ARHGAP24: variants seen among roughly 807,000 people sequenced by gnomAD.
ARHGAP24 encodes the protein Rho GTPase activating protein 24, also known as rho GTPase-activating protein 24.
A neutral mutation model predicts 76.4 loss-of-function variants in ARHGAP24; 50 were observed. That is an observed-to-expected ratio of 0.65 (90% confidence interval 0.52 to 0.83). The LOEUF (loss-of-function observed/expected upper bound fraction) is 0.83, where lower values mean the gene tolerates loss of function less well. ARHGAP24 is among the 40% of genes least tolerant of loss of function. The pLI, the probability that ARHGAP24 is intolerant of heterozygous loss-of-function variation, is 0.00. For missense variants in ARHGAP24, 930 were observed against 914.2 expected (o/e 1.02, Z -0.22); for synonymous variants, 345 against 323.3 (o/e 1.07, Z -0.72).
chr4:85,851,604 G>T (rs1037969379), intron 3 of ARHGAP24, among the ~76,000 whole-genome samples: 1 of 152,162 alleles, frequency 6.6e-6, no homozygotes, highest in African/African-American at 2.4e-5. Flanking sequence ...TCCTTTCCAT[G>T]TTTAATGCTT....
intron 1 of ARHGAP24, among the ~76,000 whole-genome samples, chr4:85,487,886 TAATAA>T (rs1350661859): frequency 2.4e-5 from 3 of 127,276 alleles, no homozygotes; most frequent in Non-Finnish European, 4.7e-5. Flanking sequence ...ATAATATATA[TAATAA>T]ATATATTTTA....
chr4:85,578,048 A>G (rs1011194048), intron 2 of ARHGAP24, among the ~76,000 whole-genome samples: 13 of 152,120 alleles, frequency 8.5e-5, no homozygotes, highest in African/African-American at 3.1e-4. Flanking sequence ...TTATATGCCC[A>G]TTTTTCTTGG....
intron 2 of ARHGAP24, among the ~76,000 whole-genome samples, chr4:85,615,341 T>A (rs568339404): frequency 1.2e-4 from 18 of 152,254 alleles, no homozygotes; most frequent in African/African-American, 4.3e-4. Flanking sequence ...ATGTCTTAGT[T>A]TAAACCCCTC....
At chr4:85,643,740 A>G (rs1484451224) in intron 2 of ARHGAP24, among the ~76,000 whole-genome samples, 2 of 152,172 alleles carry the variant, frequency 1.3e-5, no homozygotes, top group Non-Finnish European at 2.9e-5. Context: ...TTATTCCCCA[A>G]AAGAGTATCT....
chr4:85,479,369 T>C (rs993965532), intron 1 of ARHGAP24, among the ~76,000 whole-genome samples: 2 of 152,220 alleles, frequency 1.3e-5, no homozygotes, highest in South Asian at 2.1e-4. Flanking sequence ...ATAATAGATA[T>C]ACATTTTCCA....
At chr4:85,927,198 A>G (rs1333289649) in intron 4 of ARHGAP24, among the ~76,000 whole-genome samples, 2 of 152,196 alleles carry the variant, frequency 1.3e-5, no homozygotes, top group Non-Finnish European at 2.9e-5. Flanking sequence ...CCACGAATGA[A>G]GCTTGAAAAC....
intron 3 of ARHGAP24, among the ~76,000 whole-genome samples, chr4:85,840,018 T>C (rs1276330015): frequency 2.0e-4 from 2 of 10,026 alleles, no homozygotes; most frequent in Admixed American, 2.6e-3. Context: ...CCTGGCTAAC[T>C]TTTTTTTTTT....
chr4:85,697,521 T>G (rs1211642712), intron 2 of ARHGAP24, among the ~76,000 whole-genome samples: 1 of 152,218 alleles, frequency 6.6e-6, no homozygotes, highest in Non-Finnish European at 1.5e-5. Flanking sequence ...AAAAAATATG[T>G]CTGCATAAAA....
chr4:85,652,764 A>G (rs1372210000), intron 2 of ARHGAP24, among the ~76,000 whole-genome samples: 1 of 152,130 alleles, frequency 6.6e-6, no homozygotes, highest in Non-Finnish European at 1.5e-5. Context: ...TTGGGGTGGT[A>G]TGTGGTGTGC....
In ARHGAP24 at chr4:85,588,594, A is replaced by G. The variant is rs1041918486; in HGVS notation, c.180+17873A>G. Among the ~76,000 whole-genome samples, 3 of 152,222 alleles carry G rather than the reference A, an allele frequency of 2.0e-5. No individual in the cohort carries two copies. In the East Asian group the frequency reaches 5.8e-4, roughly 29 times the overall value. ...GTATGCACTCAATTAATGTCTATGG[A>G]CTGAAGAAGTACCATAAATTCATTT... On this transcript the variant is annotated intron_variant, in intron 2 of 9. Coordinates refer to ENST00000395184, the MANE Select transcript of ARHGAP24 (RefSeq NM_001025616.3).
chr4:85,806,854 C>T (rs1728813594), intron 3 of ARHGAP24, among the ~76,000 whole-genome samples: 3 of 151,990 alleles, frequency 2.0e-5, no homozygotes, highest in Admixed American at 2.0e-4. Flanking sequence ...TGGCTTTTTC[C>T]CAATTTTATT....
chr4:85,619,161 ATAAT>A (rs1036366149), intron 2 of ARHGAP24, among the ~76,000 whole-genome samples: 4 of 152,008 alleles, frequency 2.6e-5, no homozygotes, highest in Admixed American at 2.6e-4. Context: ...AGATGCGAGT[ATAAT>A]TAAATTCCTC....
intron 1 of ARHGAP24, among the ~76,000 whole-genome samples, chr4:85,542,671 T>C (rs1333242118): frequency 2.0e-5 from 3 of 151,422 alleles, no homozygotes; most frequent in African/African-American, 7.4e-5. Context: ...AATAAAGACA[T>C]TAAAGAGATA....
At chr4:85,684,689 G>T (rs1238836260) in intron 2 of ARHGAP24, among the ~76,000 whole-genome samples, 1 of 152,172 alleles carries the variant, frequency 6.6e-6, no homozygotes, top group Non-Finnish European at 1.5e-5. Flanking sequence ...TCAGAGAGAG[G>T]CTGTTCTGTA....
intron 2 of ARHGAP24, among the ~76,000 whole-genome samples, chr4:85,702,978 G>T (rs577582522): frequency 1.3e-5 from 2 of 151,850 alleles, no homozygotes; most frequent in African/African-American, 2.4e-5. Flanking sequence ...TCAGAAGTGA[G>T]ACCCCCACCG....
chr4:85,904,169 G>A (rs1454230202), intron 3 of ARHGAP24, among the ~76,000 whole-genome samples: 2 of 152,068 alleles, frequency 1.3e-5, no homozygotes, highest in East Asian at 3.9e-4. Context: ...AGGTTTAATT[G>A]GCTCATGGTC....
intron 3 of ARHGAP24, among the ~76,000 whole-genome samples, chr4:85,901,717 G>A (rs1359464622): frequency 1.3e-5 from 2 of 152,168 alleles, no homozygotes; most frequent in Middle Eastern, 3.4e-3. Flanking sequence ...CAACCAAGGG[G>A]TAATTTATTT....
At chr4:85,950,748 T>G (rs1737567630) in intron 5 of ARHGAP24, among the ~76,000 whole-genome samples, 1 of 151,938 alleles carries the variant, frequency 6.6e-6, no homozygotes. Flanking sequence ...CTTGGCTCAC[T>G]GCAACCTCTG....
intron 5 of ARHGAP24, among the ~76,000 whole-genome samples, chr4:85,958,280 A>G (rs1738041675): frequency 6.6e-6 from 1 of 152,182 alleles, no homozygotes; most frequent in African/African-American, 2.4e-5. Flanking sequence ...ATAAGACAAA[A>G]TGGAACAAAA....
Sources: allele counts gnomAD v4.1 joint callset (sites outside exome capture counted in the v4.1 genomes callset), GRCh38; gene constraint gnomAD v4.1.1; transcripts MANE v1.5; gene names NCBI Gene and HGNC (gene_info 2026-07-23, HGNC 2026-07-21).